The following LDLRAD4 variants were observed in gnomAD, a reference collection of about 807,000 sequenced individuals.
LDLRAD4 encodes the protein low-density lipoprotein receptor class A domain-containing protein 4.
LDLRAD4 carries 5 observed loss-of-function variants against 17.0 expected under a neutral mutation model. That is an observed-to-expected ratio of 0.29 (90% CI 0.15 to 0.62). LDLRAD4 has a LOEUF of 0.62. Among genes scored for constraint, LDLRAD4 ranks in the 20% least tolerant of loss-of-function variants. The pLI is 0.84. For synonymous variants in LDLRAD4, 168 were observed against 171.8 expected, an observed-to-expected ratio of 0.98 and a Z score of 0.17; for missense variants, 340 against 424.7, an observed-to-expected ratio of 0.80 and a Z score of 1.75.
chr18:13,234,406 G>A (rs2042233980), intron 1 of LDLRAD4, among the ~76,000 whole-genome samples: 2 of 149,906 alleles, frequency 1.3e-5, no homozygotes, highest in South Asian at 4.2e-4. Flanking sequence ...CTCCAGGAGG[G>A]CAGACAATCG....
At chr18:13,354,039 G>T (rs186923894) in intron 1 of LDLRAD4, among the ~76,000 whole-genome samples, 4 of 152,202 alleles carry the variant, frequency 2.6e-5, no homozygotes, top group Non-Finnish European at 5.9e-5. Flanking sequence ...TTAACTCACA[G>T]GATTAAAAAT....
chr18:13,390,356 G>A (rs975848178), intron 2 of LDLRAD4, among the ~76,000 whole-genome samples: 2 of 152,204 alleles, frequency 1.3e-5, no homozygotes, highest in Admixed American at 6.5e-5. Flanking sequence ...ACAGCGCCGC[G>A]CGGGGCACAC....
Position 13,294,140 on chromosome 18 carries a change from G to A in LDLRAD4, c.-383+15952G>A, listed in dbSNP as rs184973200. On this transcript the variant is annotated intron_variant, in intron 1 of 5. Transcript: ENST00000359446. Reference sequence around the variant, plus strand: ...TATAAATAACTCCCACATGCTTAGCGTTCCAATAATGGAACACTGCGCATA... The same window carrying A: ...TATAAATAACTCCCACATGCTTAGCATTCCAATAATGGAACACTGCGCATA... 2.0e-3 allele frequency among the ~76,000 whole-genome samples: 312 copies of A among 152,348 alleles called. 1 individual carries two copies. The highest frequency in any genetic ancestry group is 4.2e-3 in the African/African-American group (173 of 41,566).
intron 2 of LDLRAD4, among the ~76,000 whole-genome samples, chr18:13,436,936 G>A (rs1206856744): frequency 6.6e-6 from 1 of 152,280 alleles, no homozygotes; most frequent in South Asian, 2.1e-4. Context: ...ATTATAATAC[G>A]CTTTTTATAC....
intron 1 of LDLRAD4, among the ~76,000 whole-genome samples, chr18:13,365,781 T>C (rs546869498): frequency 5.3e-5 from 8 of 152,294 alleles, no homozygotes; most frequent in Admixed American, 3.9e-4. Context: ...ATTTGACTGA[T>C]TGATTGATTT....
intron 3 of LDLRAD4, chr18:13,491,520 ATAAT>A (rs1322483303): frequency 6.6e-6 from 1 of 152,248 alleles, no homozygotes; most frequent in Non-Finnish European, 1.5e-5. Context: ...TATGTTTGAA[ATAAT>A]TAATAGCTGG....
rs865790595 is a variant in LDLRAD4, at chr18:13,360,789, G to T, written c.-382-26552G>T. Among the ~76,000 whole-genome samples the T allele has an allele frequency of 1.1e-4, 16 of 152,318 alleles. No homozygotes were observed. In the South Asian group the frequency reaches 3.3e-3, roughly 32 times the overall value. On this transcript the variant is annotated intron_variant, in intron 1 of 5. Coordinates refer to ENST00000359446, the Ensembl canonical transcript of LDLRAD4. ...GGTGTGGAAACTGAGTGAAGGAGAGGCATGGTATGTACCACTTTGACGCTA... is the reference window on the plus strand; with the variant it reads ...GGTGTGGAAACTGAGTGAAGGAGAGTCATGGTATGTACCACTTTGACGCTA...
chr18:13,465,047 C>T (rs950457914), intron 3 of LDLRAD4: 2 of 152,200 alleles, frequency 1.3e-5, no homozygotes, highest in Admixed American at 6.5e-5. Context: ...AACGATGGCG[C>T]GAGGCCGCAG....
intron 2 of LDLRAD4, among the ~76,000 whole-genome samples, chr18:13,431,650 T>G (rs1231556346): frequency 6.6e-6 from 1 of 152,202 alleles, no homozygotes; most frequent in Non-Finnish European, 1.5e-5. Context: ...AGCACCATAA[T>G]GGGAGCGACA....
At position 13,356,551 on chromosome 18, in the gene LDLRAD4, C is replaced by G. The variant is rs148139115; in HGVS notation, c.-382-30790C>G. On this transcript the variant is annotated intron_variant, in intron 1 of 5. Coordinates refer to ENST00000359446, the Ensembl canonical transcript of LDLRAD4. The stretch of plus-strand genomic sequence containing the variant: ...TTTTCCCATCTAATTAAAAGTTTTA[C>G]CTTTTTATTGTAGAATAAAATACAG... Among the ~76,000 whole-genome samples, 71 of 152,226 alleles carry G rather than the reference C, an allele frequency of 4.7e-4. 2 individuals are homozygous for G. In the East Asian group the frequency reaches 0.012, roughly 26 times the overall value.
chr18:13,220,458 A>G (rs1023973543), intron 1 of LDLRAD4, among the ~76,000 whole-genome samples: 8 of 152,168 alleles, frequency 5.3e-5, no homozygotes, highest in Non-Finnish European at 1.0e-4. Flanking sequence ...CTTGGTTTGC[A>G]AGACCACAAT....
intron 1 of LDLRAD4, among the ~76,000 whole-genome samples, chr18:13,235,816 C>T (rs962457645): frequency 5.9e-5 from 9 of 152,202 alleles, no homozygotes; most frequent in African/African-American, 2.2e-4. Context: ...AGGCTGGGTG[C>T]TGATCCTTGC....
At chr18:13,423,197 G>A (rs1005807584) in intron 2 of LDLRAD4, among the ~76,000 whole-genome samples, 3 of 152,094 alleles carry the variant, frequency 2.0e-5, no homozygotes, top group Admixed American at 6.5e-5. Flanking sequence ...AAAGAAGGCC[G>A]GGCTTGGTGG....
intron 3 of LDLRAD4, among the ~76,000 whole-genome samples, chr18:13,468,781 A>G (rs1333642109): frequency 6.8e-6 from 1 of 146,472 alleles, no homozygotes; most frequent in Non-Finnish European, 1.5e-5. Flanking sequence ...GTTCTCACTC[A>G]TAGGTGGGAA....
At chr18:13,508,573 A>G (rs1159687790) in intron 3 of LDLRAD4, among the ~76,000 whole-genome samples, 2 of 152,246 alleles carry the variant, frequency 1.3e-5, no homozygotes, top group East Asian at 3.8e-4. Context: ...GTCCTAAAGA[A>G]TCATGCTAAA....
chr18:13,479,911 C>A (rs1387248910), intron 3 of LDLRAD4, among the ~76,000 whole-genome samples: 1 of 152,182 alleles, frequency 6.6e-6, no homozygotes, highest in Non-Finnish European at 1.5e-5. Flanking sequence ...GGCCCCAATC[C>A]AGAATACTGA....
intron 3 of LDLRAD4, among the ~76,000 whole-genome samples, chr18:13,494,078 A>G (rs950173976): frequency 1.6e-4 from 25 of 152,190 alleles, no homozygotes; most frequent in African/African-American, 6.0e-4. Context: ...CTGACAGCCA[A>G]CATGACCTCG....
At chr18:13,453,202 T>C (rs1361135622) in intron 3 of LDLRAD4, among the ~76,000 whole-genome samples, 1 of 152,240 alleles carries the variant, frequency 6.6e-6, no homozygotes, top group Non-Finnish European at 1.5e-5. Flanking sequence ...GCATTGCTCC[T>C]GGTGTGCCTG....
At chr18:13,456,353 C>T (rs149249125) in intron 3 of LDLRAD4, among the ~76,000 whole-genome samples, 169 of 152,326 alleles carry the variant, frequency 1.1e-3, no homozygotes, top group African/African-American at 3.8e-3. Context: ...TGCCCTCTCT[C>T]GCCTTCCCTC....
Sources: allele counts gnomAD v4.1 joint callset (sites outside exome capture counted in the v4.1 genomes callset), GRCh38; gene constraint gnomAD v4.1.1; transcripts MANE v1.5; gene names NCBI Gene and HGNC (gene_info 2026-07-23, HGNC 2026-07-21).